Variants in FSIP1 observed in about 807,000 individuals in gnomAD.
FSIP1 encodes fibrous sheath-interacting protein 1.
A neutral mutation model predicts 60.9 loss-of-function variants in FSIP1; 65 were observed. The ratio of observed to expected loss-of-function variants is 1.07; its 90% CI spans 0.87 to 1.31. The LOEUF is 1.31. Among genes scored for constraint, FSIP1 ranks in the 40% most tolerant of loss-of-function variants. The pLI is 0.00. For missense variants in FSIP1, 675 were observed against 665.5 expected (o/e 1.01, Z -0.16); for synonymous variants, 209 against 221.2 (o/e 0.94, Z 0.49).
At chr15:39,720,174 T>C (rs1277030052) in intron 9 of FSIP1, among the ~76,000 whole-genome samples, 1 of 152,174 alleles carries the variant, frequency 6.6e-6, no homozygotes, top group Non-Finnish European at 1.5e-5. Flanking sequence ...TCTTTCAGAA[T>C]TACATGTCAA....
chr15:39,694,245 T>A (rs1037481892), intron 10 of FSIP1, among the ~76,000 whole-genome samples: 4 of 152,112 alleles, frequency 2.6e-5, no homozygotes, highest in African/African-American at 9.7e-5. Flanking sequence ...TGAAATCTAA[T>A]TGCATTTACT....
chr15:39,714,033 G>T (rs1428975535), intron 9 of FSIP1, among the ~76,000 whole-genome samples: 1 of 152,154 alleles, frequency 6.6e-6, no homozygotes, highest in Non-Finnish European at 1.5e-5. Context: ...TTGAATCTTT[G>T]CCCTGCCTGG....
intron 10 of FSIP1, among the ~76,000 whole-genome samples, chr15:39,667,800 C>A (rs1173818122): frequency 6.6e-6 from 1 of 152,118 alleles, no homozygotes; most frequent in Admixed American, 6.5e-5. Context: ...AATTAGAAAT[C>A]AATTTAGGCA....
At chr15:39,623,769 G>A (rs1203750377) in intron 10 of FSIP1, among the ~76,000 whole-genome samples, 1 of 152,154 alleles carries the variant, frequency 6.6e-6, no homozygotes, top group Admixed American at 6.5e-5. Flanking sequence ...GCCTTTCAGA[G>A]TCTAGAGCTG....
intron 10 of FSIP1, among the ~76,000 whole-genome samples, chr15:39,695,773 G>A (rs1595624751): frequency 6.6e-6 from 1 of 152,156 alleles, no homozygotes; most frequent in African/African-American, 2.4e-5. Context: ...CGTAGAGATA[G>A]AATAAATAAA....
In FSIP1 at chr15:39,706,016, AAT is replaced by A. The variant is rs1175143940; in HGVS notation, c.1188+7426_1188+7427del. ...CGGTCTCAAAAAAAAAAAAAAAAAAAATCTTCTAAAAGTCTTCTATTGACAAA... is the reference window on the plus strand; with the variant it reads ...CGGTCTCAAAAAAAAAAAAAAAAAAACTTCTAAAAGTCTTCTATTGACAAA... On this transcript the variant is annotated intron_variant, in intron 10 of 11. Transcript: ENST00000350221. Among the ~76,000 whole-genome samples the A allele has an allele frequency of 9.3e-5, 14 of 150,382 alleles. No individual in the cohort carries two copies. The East Asian group carries it at 1.7e-3, about 19-fold the overall frequency.
At chr15:39,626,786 T>C (rs2140395387) in intron 10 of FSIP1, among the ~76,000 whole-genome samples, 1 of 144,308 alleles carries the variant, frequency 6.9e-6, no homozygotes, top group East Asian at 2.2e-4. Context: ...CTCTTTTCTT[T>C]ATAAATTACG....
At chr15:39,701,777 T>C (rs1271621868) in intron 10 of FSIP1, among the ~76,000 whole-genome samples, 2 of 152,232 alleles carry the variant, frequency 1.3e-5, no homozygotes, top group Admixed American at 1.3e-4. Context: ...CTCTATAGTG[T>C]GTTTTTTCAA....
intron 10 of FSIP1, among the ~76,000 whole-genome samples, chr15:39,707,237 T>C (rs1895310011): frequency 6.6e-6 from 1 of 152,162 alleles, no homozygotes. Context: ...ACTGGCTCCA[T>C]TTCGCAGCAG....
chr15:39,714,511 CTAA>C lies in FSIP1; in HGVS notation c.1051-933_1051-931del, dbSNP rs542275441. ...AGGAATACTATCTAGTTGCCAATCC[CTAA>C]TACCTCTCTAATCAAGGCACTTGTT... On this transcript the variant is annotated intron_variant, in intron 9 of 11. Transcript: ENST00000350221. Among the ~76,000 whole-genome samples the C allele has an allele frequency of 1.5e-3, 232 of 150,372 alleles. 1 individual carries two copies. Among genetic ancestry groups the C allele is most frequent in the Middle Eastern group, 0.01 (3 of 294 alleles).
chr15:39,736,363 G>A (rs574622118), intron 8 of FSIP1, among the ~76,000 whole-genome samples: 1 of 152,274 alleles, frequency 6.6e-6, no homozygotes, highest in African/African-American at 2.4e-5. Flanking sequence ...ATTATTTAGA[G>A]GATTATTATG....
At chr15:39,609,599 C>T (rs1890951838) in intron 11 of FSIP1, among the ~76,000 whole-genome samples, 4 of 152,234 alleles carry the variant, frequency 2.6e-5, no homozygotes, top group Admixed American at 2.6e-4. Context: ...GGGAAGCCTG[C>T]ATCCATGTGT....
Position 39,725,849 on chromosome 15 carries a change from A to G in FSIP1, c.1050+740T>C, listed in dbSNP as rs139482688. On this transcript the variant is annotated intron_variant, in intron 9 of 11. Transcript: ENST00000350221. Reference sequence around the variant, plus strand: ...GCCCAGGCTGGAGTGCAGCGGCACTATATCAGCTCACTGCAACCTCCACCT... The same window carrying G: ...GCCCAGGCTGGAGTGCAGCGGCACTGTATCAGCTCACTGCAACCTCCACCT... Among the ~76,000 whole-genome samples the G allele has an allele frequency of 9.0e-3, 1,355 of 151,252 alleles. 14 individuals are homozygous for G. Among genetic ancestry groups the G allele is most frequent in the Non-Finnish European group, 0.013 (900 of 67,924 alleles).
chr15:39,669,559 T>C (rs1190769092), intron 10 of FSIP1, among the ~76,000 whole-genome samples: 1 of 152,224 alleles, frequency 6.6e-6, no homozygotes, highest in Non-Finnish European at 1.5e-5. Flanking sequence ...CAGAAAGATA[T>C]CTTTATTTCA....
rs1269818160 is a variant in FSIP1 at position 39,741,814 on chromosome 15, G to C, written c.646C>G (p.Leu216Val). ...PEEYEMQMQK[L>V]NKDFTCDVER... ...ACAAATTTAAATATACCTTTATTGA[G>C]TTTCTGCATCTGCATTTCATATTCT... The change falls in exon 6 of 12, where the codon CTC becomes GTC. Residue 216 changes from leucine to valine, a missense_variant. Physicochemically the swap from Leu to Val is conservative, Grantham distance 32 (BLOSUM62 1). Coordinates refer to ENST00000350221, the MANE Select transcript of FSIP1 (RefSeq NM_152597.5). 1 of 1,552,600 alleles carries C rather than the reference G, an allele frequency of 6.4e-7. No individual in the cohort carries two copies. The highest frequency in any genetic ancestry group is 8.9e-7 in the Non-Finnish European group (1 of 1,125,110).
At chr15:39,614,729 T>C (rs931241947) in intron 11 of FSIP1, among the ~76,000 whole-genome samples, 16 of 151,904 alleles carry the variant, frequency 1.1e-4, no homozygotes, top group Non-Finnish European at 1.5e-4. Context: ...TCCAAAGTCA[T>C]CTATAGATTT....
At position 39,749,675 on chromosome 15, in the gene FSIP1, C is replaced by T. The variant is rs184569760; in HGVS notation, c.560-7775G>A. ...GGTATAGAAGAAAATTTCCTGAAGGCCATTTATAAAAAGTTCACAGTTAAC... is the reference window on the plus strand; with the variant it reads ...GGTATAGAAGAAAATTTCCTGAAGGTCATTTATAAAAAGTTCACAGTTAAC... On this transcript the variant is annotated intron_variant, in intron 5 of 11. Coordinates refer to ENST00000350221, the MANE Select transcript of FSIP1 (RefSeq NM_152597.5). Among the ~76,000 whole-genome samples, 713 of 151,820 alleles carry T rather than the reference C, an allele frequency of 4.7e-3. 3 individuals carry two copies. Among genetic ancestry groups the T allele is most frequent in the Non-Finnish European group, 7.3e-3 (492 of 67,798 alleles).
intron 5 of FSIP1, among the ~76,000 whole-genome samples, chr15:39,762,543 A>T (rs1897537134): frequency 6.6e-6 from 1 of 152,170 alleles, no homozygotes; most frequent in East Asian, 1.9e-4. Context: ...TACCAAAATC[A>T]CTGTAGCCAG....
chr15:39,696,920 G>A (rs1210523297), intron 10 of FSIP1, among the ~76,000 whole-genome samples: 2 of 77,018 alleles, frequency 2.6e-5, no homozygotes, highest in Non-Finnish European at 6.5e-5. Context: ...GTGTGTGTGT[G>A]TGTGTGTTGG....
Sources: gnomAD v4.1 joint callset for allele counts (sites outside exome capture counted in the v4.1 genomes callset) on GRCh38, gnomAD v4.1.1 for gene constraint, MANE v1.5 for transcripts, NCBI Gene and HGNC (gene_info 2026-07-23, HGNC 2026-07-21) for gene names.